Variants in EYS observed in about 807,000 individuals in gnomAD.
EYS encodes the protein EGF-like photoreceptor maintenance factor, also known as protein eyes shut homolog.
EYS carries 250 observed loss-of-function variants against 282.1 expected under a neutral mutation model. The ratio of observed to expected loss-of-function variants is 0.89; its 90% CI spans 0.80 to 0.98. The LOEUF (loss-of-function observed/expected upper bound fraction) is 0.98, where lower values mean the gene tolerates loss of function less well. Ranked by LOEUF, EYS falls within the 50% of genes least tolerant of loss-of-function variation. The pLI is 0.00. For synonymous variants in EYS, 1,355 were observed against 1,282.9 expected, an observed-to-expected ratio of 1.06 and a Z score of -1.20; for missense variants, 4,016 against 3,709.0, an observed-to-expected ratio of 1.08 and a Z score of -2.15.
chr6:65,121,666 G>T (rs1259030458), intron 12 of EYS, among the ~76,000 whole-genome samples: 1 of 152,084 alleles, frequency 6.6e-6, no homozygotes, highest in Non-Finnish European at 1.5e-5. Flanking sequence ...GCAGTGAATG[G>T]CCTAATCTAC....
rs114295085 is a variant in EYS at position 64,384,560 on chromosome 6, A to T, written c.6078+4130T>A. Among the ~76,000 whole-genome samples, 886 of 152,266 alleles carry T rather than the reference A, an allele frequency of 5.8e-3. 6 individuals are homozygous for T. The highest frequency in any genetic ancestry group is 0.011 in the Non-Finnish European group (748 of 68,014). On this transcript the variant is annotated intron_variant, in intron 29 of 42. Coordinates refer to ENST00000503581, the MANE Select transcript of EYS (RefSeq NM_001142800.2). ...TTCCATAATTATTTTATTTCCTCTC[A>T]TACTTAGCAAAGAGAATAGCTGGTA...
At chr6:65,593,584 T>C (rs945423417) in intron 2 of EYS, among the ~76,000 whole-genome samples, 4 of 152,036 alleles carry the variant, frequency 2.6e-5, no homozygotes, top group Non-Finnish European at 5.9e-5. Flanking sequence ...GTCTCTCATA[T>C]GCATACACTA....
rs1348745712 is a variant in EYS at position 65,065,538 on chromosome 6, A to G, written c.2024-7811T>C. ...GCTGGGACTACAGGTGCCCACCACC[A>G]CGCCTGGCTATTTTTTTTTTTAATT... On this transcript the variant is annotated intron_variant, in intron 12 of 42. Coordinates refer to ENST00000503581, the MANE Select transcript of EYS (RefSeq NM_001142800.2). Among the ~76,000 whole-genome samples the G allele has an allele frequency of 7.4e-5, 11 of 148,448 alleles. No homozygotes were observed. In the East Asian group the frequency reaches 1.8e-3, roughly 24 times the overall value.
chr6:64,686,955 A>T (rs142035998), intron 22 of EYS, among the ~76,000 whole-genome samples: 2,221 of 146,244 alleles, frequency 0.015, 76 homozygotes, highest in African/African-American at 0.053. Flanking sequence ...ATATACATAG[A>T]TATATAATTT....
At chr6:65,506,790 T>A (rs540407662) in intron 2 of EYS, among the ~76,000 whole-genome samples, 1 of 152,162 alleles carries the variant, frequency 6.6e-6, no homozygotes, top group African/African-American at 2.4e-5. Flanking sequence ...CTTTTTTAAC[T>A]AATTTAATTT....
intron 2 of EYS, among the ~76,000 whole-genome samples, chr6:65,579,252 T>C (rs1764786927): frequency 6.6e-6 from 1 of 152,108 alleles, no homozygotes; most frequent in Non-Finnish European, 1.5e-5. Flanking sequence ...AGATACAACA[T>C]ATATTAGATT....
chr6:63,855,880 A>G (rs1456091282), intron 36 of EYS, among the ~76,000 whole-genome samples: 1 of 152,246 alleles, frequency 6.6e-6, no homozygotes, highest in African/African-American at 2.4e-5. Context: ...CAAAGGGATG[A>G]AGGGACAAAA....
At chr6:63,789,037 G>A (rs1234373249) in intron 38 of EYS, 21 bp downstream of exon 38, 2 of 1,548,784 alleles carry the variant, frequency 1.3e-6, no homozygotes, top group East Asian at 4.9e-5. Context: ...TTGTGGAAGT[G>A]ACGAAGGAAT....
At position 65,595,643 on chromosome 6, in the gene EYS, T is replaced by G. The variant is rs952218891; in HGVS notation, c.-333+44135A>C. Among the ~76,000 whole-genome samples, 5 of 117,114 alleles carry G rather than the reference T, an allele frequency of 4.3e-5. No homozygotes were observed. The South Asian group carries it at 1.3e-3, about 31-fold the overall frequency. The allele number at this position is 117,114 out of a possible 152,430, so 76.8% of individuals were successfully genotyped here. On this transcript the variant is annotated intron_variant, in intron 2 of 42. Coordinates refer to ENST00000503581, the MANE Select transcript of EYS (RefSeq NM_001142800.2). Reference sequence around the variant, plus strand: ...ATAAAGCGTCAATAAAACAGCTCTTTTATCTCAAAAAAAAAAAAATCAGTT... The same window carrying G: ...ATAAAGCGTCAATAAAACAGCTCTTGTATCTCAAAAAAAAAAAAATCAGTT...
At chr6:64,879,915 A>G (rs1219479210) in intron 19 of EYS, among the ~76,000 whole-genome samples, 1 of 152,012 alleles carries the variant, frequency 6.6e-6, no homozygotes, top group Non-Finnish European at 1.5e-5. Context: ...ATAGAGGTAA[A>G]TATCAGAAGT....
intron 12 of EYS, among the ~76,000 whole-genome samples, chr6:65,141,256 A>G (rs922634919): frequency 6.6e-6 from 1 of 151,840 alleles, no homozygotes; most frequent in Admixed American, 6.6e-5. Flanking sequence ...AAAACCAAAC[A>G]CCGCATGTTC....
intron 34 of EYS, among the ~76,000 whole-genome samples, chr6:63,998,489 A>C (rs1767935422): frequency 6.6e-6 from 1 of 152,210 alleles, no homozygotes; most frequent in Admixed American, 6.5e-5. Flanking sequence ...ATGATGATCA[A>C]ATGAACTAGG....
rs145609114 is a variant in EYS at position 65,446,336 on chromosome 6, A to G, written c.863-40969T>C. On this transcript the variant is annotated intron_variant, in intron 5 of 42. Coordinates refer to ENST00000503581, the MANE Select transcript of EYS (RefSeq NM_001142800.2). ...AATTAATACTTTTTCATCAAGTAAA[A>G]TTTTACCAGATAGTGTGTTTAAACT... Among the ~76,000 whole-genome samples, 346 of 151,986 alleles carry G rather than the reference A, an allele frequency of 2.3e-3. 1 individual carries two copies. The highest frequency in any genetic ancestry group is 4.2e-3 in the Non-Finnish European group (288 of 67,818).
Position 63,720,195 on chromosome 6 carries a change from T to C in EYS, c.*401A>G, listed in dbSNP as rs969176817. The C allele has an allele frequency of 8.2e-6, 2 of 242,746 alleles. No homozygotes were observed. The highest frequency in any genetic ancestry group is 1.6e-5 in the Non-Finnish European group (2 of 127,698). The allele number at this position is 242,746 out of a possible 1,614,324, so 15.0% of individuals were successfully genotyped here. On this transcript the variant is annotated 3_prime_UTR_variant, in exon 43 of 43. Coordinates refer to ENST00000503581, the MANE Select transcript of EYS (RefSeq NM_001142800.2). ...GATTAATAACTTGATTTTTTTCTTA[T>C]TTGTACCTATCCCTAATTCATTCCC...
intron 35 of EYS, among the ~76,000 whole-genome samples, chr6:63,971,648 A>T (rs1766581631): frequency 6.6e-6 from 1 of 152,074 alleles, no homozygotes; most frequent in Non-Finnish European, 1.5e-5. Flanking sequence ...TAGACTAGAG[A>T]AGGAAATAAA....
chr6:64,627,864 G>T (rs2149858261), intron 22 of EYS, among the ~76,000 whole-genome samples: 1 of 152,272 alleles, frequency 6.6e-6, no homozygotes, highest in East Asian at 1.9e-4. Context: ...TGGATCATGA[G>T]GTCAGGAGAT....
intron 1 of EYS, among the ~76,000 whole-genome samples, chr6:65,694,351 A>G (rs2149846793): frequency 6.7e-6 from 1 of 150,000 alleles, no homozygotes; most frequent in South Asian, 2.1e-4. Context: ...TAAATTTAGT[A>G]ACTTATGGAG....
At chr6:65,624,101 G>T (rs941516916) in intron 2 of EYS, among the ~76,000 whole-genome samples, 1 of 152,122 alleles carries the variant, frequency 6.6e-6, no homozygotes, top group Non-Finnish European at 1.5e-5. Flanking sequence ...TACAGTTCAA[G>T]AATCTGAGAA....
At chr6:65,165,411 TATATC>T (rs759370064) in intron 12 of EYS, among the ~76,000 whole-genome samples, 1 of 151,024 alleles carries the variant, frequency 6.6e-6, no homozygotes, top group South Asian at 2.1e-4. Context: ...ATTCAGAAAA[TATATC>T]ATATGGTTAT....
Sources: gnomAD v4.1 joint callset for allele counts (sites outside exome capture counted in the v4.1 genomes callset) on GRCh38, gnomAD v4.1.1 for gene constraint, MANE v1.5 for transcripts, NCBI Gene and HGNC (gene_info 2026-07-23, HGNC 2026-07-21) for gene names.